GRM7: variants seen among roughly 807,000 people sequenced by gnomAD.
GRM7 encodes glutamate metabotropic receptor 7.
GRM7 carries 35 observed loss-of-function variants against 84.5 expected under a neutral mutation model. The ratio of observed to expected loss-of-function variants is 0.41; its 90% CI spans 0.32 to 0.55. The LOEUF (loss-of-function observed/expected upper bound fraction) is 0.55. Among genes scored for constraint, GRM7 ranks in the 20% least tolerant of loss-of-function variants. The pLI is 0.19. For missense variants in GRM7, 1,003 were observed against 1,194.6 expected (o/e 0.84, Z 2.36); for synonymous variants, 487 against 455.1 (o/e 1.07, Z -0.89).
intron 9 of GRM7, among the ~76,000 whole-genome samples, chr3:7,694,930 G>A (rs962965124): frequency 1.6e-4 from 24 of 152,122 alleles, no homozygotes; most frequent in Non-Finnish European, 3.4e-4. Flanking sequence ...AAGCTTCCCA[G>A]TGATTCTGAT....
intron 8 of GRM7, among the ~76,000 whole-genome samples, chr3:7,608,816 T>TA (rs1696714021): frequency 6.6e-6 from 1 of 152,176 alleles, no homozygotes; most frequent in Non-Finnish European, 1.5e-5. Context: ...TAGTAATGCC[T>TA]AGGTTGTCTT....
intron 1 of GRM7, among the ~76,000 whole-genome samples, chr3:7,132,642 A>T (rs1172556987): frequency 6.6e-6 from 1 of 152,212 alleles, no homozygotes; most frequent in Non-Finnish European, 1.5e-5. Flanking sequence ...TAAAAGAACT[A>T]AATAAAAATT....
chr3:6,984,665 G>A (rs62236572), intron 1 of GRM7, among the ~76,000 whole-genome samples: 22,048 of 152,046 alleles, frequency 0.15, 1,842 homozygotes, highest in Non-Finnish European at 0.19. Flanking sequence ...ATGTTTTTCT[G>A]GATCTTGCAC....
At position 7,680,113 on chromosome 3, in the gene GRM7, T is replaced by C. The variant is rs1457058409; in HGVS notation, c.2516T>C (p.Met839Thr). The C allele has an allele frequency of 3.1e-6, 5 of 1,613,998 alleles. No individual in the cohort carries two copies. The highest frequency in any genetic ancestry group is 4.2e-6 in the Non-Finnish European group (5 of 1,179,854). Residue 839 changes from methionine (M) to threonine (T), a missense_variant, in exon 9 of 10, where the codon ATG (methionine) becomes ACG (threonine). Physicochemically the swap from Met to Thr is moderately conservative, Grantham distance 81 (BLOSUM62 -1). This residue lies in a region of GRM7 where 910 missense variants were observed against 1,126.0 expected (regional missense o/e 0.81). Transcript: ENST00000357716. ...MNLSASVALG[M>T]LYMPKVYIII... ...CTAAGTGCATCAGTGGCGCTGGGGA[T>C]GCTATACATGCCGAAAGTGTACATC...
intron 1 of GRM7, among the ~76,000 whole-genome samples, chr3:6,886,819 T>C (rs1695714350): frequency 6.6e-6 from 1 of 151,760 alleles, no homozygotes; most frequent in African/African-American, 2.4e-5. Flanking sequence ...ATAAAATGCT[T>C]AGGATGTCCT....
At chr3:7,590,269 G>A (rs781067159) in intron 8 of GRM7, among the ~76,000 whole-genome samples, 2 of 151,978 alleles carry the variant, frequency 1.3e-5, no homozygotes, top group Non-Finnish European at 1.5e-5. Flanking sequence ...TTACAATTAC[G>A]ACAGTATTCA....
Position 6,962,789 on chromosome 3 carries a change from G to C in GRM7, c.519+100882G>C, listed in dbSNP as rs186494575. ...TTTACCACCAAAGCAGTGAAGGAGG[G>C]GGACAGTTCCAGGTTTCATCAAGAA... On this transcript the variant is annotated intron_variant, in intron 1 of 9. Coordinates refer to ENST00000357716, the MANE Select transcript of GRM7 (RefSeq NM_000844.4). 1.5e-3 allele frequency among the ~76,000 whole-genome samples: 229 copies of C among 152,186 alleles called. 3 individuals are homozygous for C. The highest frequency in any genetic ancestry group is 2.9e-4 in the Non-Finnish European group (20 of 67,996).
At chr3:7,312,347 A>G (rs1700428401) in intron 4 of GRM7, among the ~76,000 whole-genome samples, 1 of 152,096 alleles carries the variant, frequency 6.6e-6, no homozygotes, top group South Asian at 2.1e-4. Context: ...CTGTGGCCAG[A>G]GGATCCCAGA....
Position 7,537,065 on chromosome 3 carries a change from G to A in GRM7, c.1516-41357G>A, listed in dbSNP as rs184025269. ...GGGGCACAGATGCTTGAGGAAAGAA[G>A]TTTACAGCACACACCAGAATGGCTC... On this transcript the variant is annotated intron_variant, in intron 7 of 9. Transcript: ENST00000357716. Among the ~76,000 whole-genome samples, 5 of 152,264 alleles carry A rather than the reference G, an allele frequency of 3.3e-5. No homozygotes were observed. In the East Asian group the frequency reaches 7.7e-4, roughly 24 times the overall value.
chr3:7,612,123 TATAGCATG>T (rs1696876635), intron 8 of GRM7, among the ~76,000 whole-genome samples: 1 of 152,128 alleles, frequency 6.6e-6, no homozygotes, highest in Non-Finnish European at 1.5e-5. Context: ...GTATTAATAA[TATAGCATG>T]GTAGAATGGC....
chr3:7,633,819 ATTT>A (rs887656085), intron 8 of GRM7, among the ~76,000 whole-genome samples: 1 of 152,012 alleles, frequency 6.6e-6, no homozygotes, highest in Non-Finnish European at 1.5e-5. Flanking sequence ...TGATCTTTTA[ATTT>A]TTTTCTTCTT....
intron 4 of GRM7, among the ~76,000 whole-genome samples, chr3:7,395,127 C>T (rs1695158573): frequency 6.6e-6 from 1 of 151,438 alleles, no homozygotes; most frequent in South Asian, 2.1e-4. Flanking sequence ...TTATTTTCTT[C>T]TTTTCCGCTT....
At chr3:7,345,091 G>A (rs1445619504) in intron 4 of GRM7, among the ~76,000 whole-genome samples, 1 of 151,934 alleles carries the variant, frequency 6.6e-6, no homozygotes, top group African/African-American at 2.4e-5. Flanking sequence ...TTAAAAAAAG[G>A]TAAGATGAAA....
At chr3:7,285,008 A>G (rs1699379991) in intron 2 of GRM7, among the ~76,000 whole-genome samples, 1 of 152,190 alleles carries the variant, frequency 6.6e-6, no homozygotes, top group South Asian at 2.1e-4. Flanking sequence ...AGAAATGAGC[A>G]AACTTTGACC....
At position 7,677,408 on chromosome 3, in the gene GRM7, A is replaced by T. The variant is rs189481246; in HGVS notation, c.2452-2641A>T. 5.1e-4 allele frequency among the ~76,000 whole-genome samples: 78 copies of T among 152,154 alleles called. No homozygotes were observed. The East Asian group carries it at 0.012, about 24-fold the overall frequency. On this transcript the variant is annotated intron_variant, in intron 8 of 9. Transcript: ENST00000357716. ...TGAGGTAGGTACTATTTTTATGCTC[A>T]TTTTGCAGATACCGAAGCTGAGGAG...
intron 4 of GRM7, among the ~76,000 whole-genome samples, chr3:7,377,909 T>A (rs1384674068): frequency 1.3e-5 from 2 of 152,210 alleles, no homozygotes; most frequent in Non-Finnish European, 2.9e-5. Context: ...AAAAGATCCC[T>A]GATCTTTCCA....
At chr3:6,871,464 C>T (rs930041996) in intron 1 of GRM7, among the ~76,000 whole-genome samples, 5 of 151,690 alleles carry the variant, frequency 3.3e-5, no homozygotes, top group Admixed American at 2.6e-4. Context: ...TTAAAATATG[C>T]CTATGCATAC....
intron 9 of GRM7, among the ~76,000 whole-genome samples, chr3:7,704,076 C>A (rs551718282): frequency 6.6e-6 from 1 of 152,188 alleles, no homozygotes; most frequent in African/African-American, 2.4e-5. Context: ...TTTTTCATGT[C>A]TTAGTGCATA....
chr3:7,604,528 C>T (rs1696469276), intron 8 of GRM7, among the ~76,000 whole-genome samples: 2 of 152,142 alleles, frequency 1.3e-5, no homozygotes, highest in South Asian at 4.1e-4. Flanking sequence ...CAGAAAATGA[C>T]ATTCCATACC....
Sources: gnomAD v4.1 joint callset for allele counts (sites outside exome capture counted in the v4.1 genomes callset) on GRCh38, gnomAD v4.1.1 for gene constraint, gnomAD v4.1.1 regional missense constraint, MANE v1.5 for transcripts, NCBI Gene and HGNC (gene_info 2026-07-23, HGNC 2026-07-21) for gene names.